Variants in EML5 observed in about 807,000 individuals in gnomAD.
EML5 encodes the protein EMAP like 5.
EML5 carries 120 observed loss-of-function variants against 250.0 expected under a neutral mutation model. That is an observed-to-expected ratio of 0.48 (90% CI 0.41 to 0.56). EML5 has a LOEUF of 0.56. Among genes scored for constraint, EML5 ranks in the 20% least tolerant of loss-of-function variants. The pLI is 0.00. For missense variants in EML5, 2,006 were observed against 2,437.6 expected (o/e 0.82, Z 3.73); for synonymous variants, 771 against 806.5 (o/e 0.96, Z 0.75).
chr14:88,693,876 T>A (rs1350628824), intron 17 of EML5, among the ~76,000 whole-genome samples: 2 of 147,182 alleles, frequency 1.4e-5, no homozygotes, highest in Admixed American at 6.9e-5. Context: ...GCTCAAGTGA[T>A]CCTTCCACCT....
chr14:88,643,020 G>T lies in EML5; in HGVS notation c.4110C>A (p.Asp1370Glu), dbSNP rs191176674. The change falls in exon 31 of 44, where the codon GAC (aspartate) becomes GAA (glutamate). Residue 1370 changes from aspartate to glutamate, a missense_variant and splice_region_variant. Coordinates refer to ENST00000554922, the MANE Select transcript of EML5 (RefSeq NM_183387.3). ...AACCAAAAATGAGCTCCAACACAAGGTCCTATAATGATAATAATAAAACCA... is the reference window on the plus strand; with the variant it reads ...AACCAAAAATGAGCTCCAACACAAGTTCCTATAATGATAATAATAAAACCA... ...NVGKKKRPIE[D>E]LVLELIFGYR... is the part of the protein sequence containing the mutation. 2 of 1,568,546 alleles carry T rather than the reference G, an allele frequency of 1.3e-6. No homozygotes were observed. Among genetic ancestry groups the T allele is most frequent in the Admixed American group, 4.4e-5 (2 of 45,684 alleles).
rs1186792216 is a variant in EML5 at position 88,705,550 on chromosome 14, C to G, written c.1864G>C (p.Asp622His). The G allele has an allele frequency of 2.5e-6, 4 of 1,602,058 alleles. No individual in the cohort carries two copies. The highest frequency in any genetic ancestry group is 3.4e-6 in the Non-Finnish European group (4 of 1,173,610). The change falls in exon 12 of 44, where the codon GAT (aspartate) becomes CAT (histidine). Residue 622 changes from aspartate (D) to histidine (H), a missense_variant. Around this residue, in one of 7 missense-constraint regions of EML5, gnomAD observed 1,375 missense variants for 1,590.3 expected, o/e 0.86. Coordinates refer to ENST00000554922, the MANE Select transcript of EML5 (RefSeq NM_183387.3). ...ADSHSDESDS[D>H]LSDVPELDSE... is the part of the protein sequence containing the mutation. ...TCCAGTTCTGGAACATCAGACAGAT[C>G]TGAATCTGATTCATCACTATGAGAG...
At chr14:88,723,476 A>G (rs2093620956) in intron 8 of EML5, among the ~76,000 whole-genome samples, 1 of 152,206 alleles carries the variant, frequency 6.6e-6, no homozygotes. Flanking sequence ...GATGTTGGTT[A>G]AAGAGTACCA....
At chr14:88,718,643 C>G (rs1036109834) in intron 8 of EML5, among the ~76,000 whole-genome samples, 1 of 151,918 alleles carries the variant, frequency 6.6e-6, no homozygotes, top group Non-Finnish European at 1.5e-5. Context: ...AAGCTGAAAG[C>G]AGAAGGCATA....
chr14:88,673,586 T>G (rs1412798896), intron 21 of EML5, among the ~76,000 whole-genome samples: 1 of 152,254 alleles, frequency 6.6e-6, no homozygotes, highest in Non-Finnish European at 1.5e-5. Flanking sequence ...GAAGTAAAAC[T>G]GTTTTCTGTT....
chr14:88,757,725 T>C (rs2094180842), intron 1 of EML5, among the ~76,000 whole-genome samples: 1 of 152,208 alleles, frequency 6.6e-6, no homozygotes, highest in Admixed American at 6.5e-5. Context: ...TCAACATCAA[T>C]AGTCAGCAGG....
At position 88,717,756 on chromosome 14, in the gene EML5, AAACAACAACAAC is replaced by A. The variant is rs147401940; in HGVS notation, c.1188-2573_1188-2562del. On this transcript the variant is annotated intron_variant, in intron 8 of 43. Coordinates refer to ENST00000554922, the MANE Select transcript of EML5 (RefSeq NM_183387.3). ...GGTGACAGGGCGAGACTCCGTCTCA[AAACAACAACAAC>A]AACAACAACAACAACAACAAAACAA... is the stretch of plus-strand genomic sequence containing the variant. Among the ~76,000 whole-genome samples, 1,239 of 150,902 alleles carry A rather than the reference AAACAACAACAAC, an allele frequency of 8.2e-3. 22 individuals are homozygous for A. The highest frequency in any genetic ancestry group is 0.028 in the African/African-American group (1,149 of 41,050).
rs2089221685 is a variant in EML5 at position 88,622,707 on chromosome 14, CCTT to C, written c.4907_4909del (p.Glu1636del). On this transcript the variant is annotated inframe_deletion, in exon 37 of 44. Transcript: ENST00000554922. ...CTGATCCCACAGTTTAACCGCTCCT[CCTT>C]CTTTTGACCTAAGTAAATAACCAAG... 1.9e-6 allele frequency: 3 copies of C among 1,606,718 alleles called. No homozygotes were observed. Among genetic ancestry groups the C allele is most frequent in the East Asian group, 2.2e-5 (1 of 44,532 alleles).
At chr14:88,760,992 A>G (rs2033049700) in intron 1 of EML5, among the ~76,000 whole-genome samples, 1 of 152,132 alleles carries the variant, frequency 6.6e-6, no homozygotes. Context: ...ACGTATGTTG[A>G]CCTGGTATCC....
intron 17 of EML5, among the ~76,000 whole-genome samples, chr14:88,692,395 G>A (rs1423221069): frequency 6.6e-6 from 1 of 152,038 alleles, no homozygotes; most frequent in Non-Finnish European, 1.5e-5. Flanking sequence ...AAAAAGGATG[G>A]TTGCTCTGTA....
At chr14:88,670,270 A>C (rs1167912938) in intron 21 of EML5, among the ~76,000 whole-genome samples, 1 of 150,052 alleles carries the variant, frequency 6.7e-6, no homozygotes, top group African/African-American at 2.5e-5. Flanking sequence ...CAGTGGGCCA[A>C]GATCATGCCA....
At chr14:88,641,292 C>T (rs1476197831) in intron 31 of EML5, among the ~76,000 whole-genome samples, 2 of 151,872 alleles carry the variant, frequency 1.3e-5, no homozygotes, top group Non-Finnish European at 2.9e-5. Context: ...CAAAAACCTG[C>T]CAAAGACATT....
intron 21 of EML5, among the ~76,000 whole-genome samples, chr14:88,678,837 C>G (rs1157143579): frequency 2.0e-5 from 3 of 152,108 alleles, no homozygotes; most frequent in Non-Finnish European, 4.4e-5. Context: ...TATTGGTTTC[C>G]TAGAGGCTGT....
chr14:88,782,509 G>C (rs1314548011), intron 1 of EML5, among the ~76,000 whole-genome samples: 1 of 152,150 alleles, frequency 6.6e-6, no homozygotes, highest in African/African-American at 2.4e-5. Context: ...AGACTTTTGC[G>C]GCAGCCCCTC....
rs2087167506 is a variant in EML5 at position 88,613,651 on chromosome 14, G to A, written c.*2167C>T. Reference sequence around the variant, plus strand: ...GGTTTAAAATGATCACCACAAAAAGGGACCACAAAAAAAGGAAGGAAATGA... The same window carrying A: ...GGTTTAAAATGATCACCACAAAAAGAGACCACAAAAAAAGGAAGGAAATGA... On this transcript the variant is annotated 3_prime_UTR_variant, in exon 44 of 44. Transcript: ENST00000554922. 2 of 151,874 alleles carry A rather than the reference G, an allele frequency of 1.3e-5. No homozygotes were observed. The highest frequency in any genetic ancestry group is 4.8e-5 in the African/African-American group (2 of 41,336). The allele number at this position is 151,874 out of a possible 1,614,324, so 9.4% of individuals were successfully genotyped here.
At chr14:88,621,494 G>A (rs1306059949) in intron 37 of EML5, 193 bp from the exon 38 acceptor site, 1 of 612,376 alleles carries the variant, frequency 1.6e-6, no homozygotes, top group Non-Finnish European at 2.9e-6. Flanking sequence ...AGCACAATGG[G>A]CTAGATTACA....
chr14:88,685,435 T>C (rs1351954011), intron 19 of EML5, among the ~76,000 whole-genome samples: 6 of 152,188 alleles, frequency 3.9e-5, no homozygotes, highest in Non-Finnish European at 7.3e-5. Context: ...ATCCATCTCC[T>C]GCCCCTCTTA....
chr14:88,648,799 G>A (rs148668807), intron 28 of EML5, among the ~76,000 whole-genome samples: 6 of 152,106 alleles, frequency 3.9e-5, no homozygotes, highest in Admixed American at 6.5e-5. Flanking sequence ...GGCTAGATCC[G>A]GGTGCTTTAT....
chr14:88,660,112 C>CA (rs1555429208), intron 25 of EML5, among the ~76,000 whole-genome samples: 8 of 150,892 alleles, frequency 5.3e-5, no homozygotes, highest in Non-Finnish European at 8.9e-5. Context: ...CCCATCTCTA[C>CA]AAAAAAAAAT....
Sources: allele counts gnomAD v4.1 joint callset (sites outside exome capture counted in the v4.1 genomes callset), GRCh38; gene constraint gnomAD v4.1.1; regional missense constraint gnomAD v4.1.1; transcripts MANE v1.5; gene names NCBI Gene and HGNC (gene_info 2026-07-23, HGNC 2026-07-21).